The following ADGRV1 variants were observed in gnomAD, a reference collection of about 807,000 sequenced individuals.
ADGRV1 encodes the protein G-protein coupled receptor 98.
In ADGRV1, 359 loss-of-function variants were observed where a neutral mutation model predicts 596.2. That is an observed-to-expected ratio of 0.60 (90% CI 0.55 to 0.66). The LOEUF is 0.66. ADGRV1 is among the 30% of genes least tolerant of loss of function. ADGRV1 has a pLI of 0.00. For missense variants in ADGRV1, 7,274 were observed against 7,575.6 expected, an observed-to-expected ratio of 0.96 and a Z score of 1.48; for synonymous variants, 2,681 against 2,679.2, an observed-to-expected ratio of 1.00 and a Z score of -0.02.
chr5:90,732,544 A>G (rs950599394), intron 50 of ADGRV1, among the ~76,000 whole-genome samples: 1 of 152,198 alleles, frequency 6.6e-6, no homozygotes, highest in Non-Finnish European at 1.5e-5. Flanking sequence ...TATGCTGTAG[A>G]TTAGGTCCAC....
Position 90,728,693 on chromosome 5 carries a change from T to A in ADGRV1, c.10186T>A (p.Phe3396Ile). 6.2e-7 allele frequency: 1 copy of A among 1,611,906 alleles called. No homozygotes were observed. The change falls in exon 49 of 90, where the codon TTC becomes ATC. Residue 3396 changes from phenylalanine to isoleucine, a missense_variant. Transcript: ENST00000405460. ...TQVFRWNGGS[F>I]VLHQKLPVRG... ...GGTCTTCAGGTGGAATGGAGGAAGCTTCGTGTTGCATCAAAAACTCCCTGT... is the reference window on the plus strand; with the variant it reads ...GGTCTTCAGGTGGAATGGAGGAAGCATCGTGTTGCATCAAAAACTCCCTGT...
At chr5:91,029,229 T>G (rs1784285966) in intron 85 of ADGRV1, among the ~76,000 whole-genome samples, 1 of 152,238 alleles carries the variant, frequency 6.6e-6, no homozygotes, top group Non-Finnish European at 1.5e-5. Context: ...AATTAATTTA[T>G]GCAGATGTAC....
intron 87 of ADGRV1, among the ~76,000 whole-genome samples, chr5:91,135,112 G>A (rs901323504): frequency 6.6e-6 from 1 of 150,482 alleles, no homozygotes. Context: ...ACCAGAAGGA[G>A]AGGTTGCAGT....
chr5:90,826,736 C>T (rs1208686245), intron 76 of ADGRV1, among the ~76,000 whole-genome samples: 3 of 152,142 alleles, frequency 2.0e-5, no homozygotes, highest in Admixed American at 6.5e-5. Context: ...ACAAATGCAT[C>T]CACAGAATTA....
At chr5:90,858,052 G>A (rs1767193664) in intron 82 of ADGRV1, among the ~76,000 whole-genome samples, 1 of 152,100 alleles carries the variant, frequency 6.6e-6, no homozygotes. Flanking sequence ...TAGTTGTAGA[G>A]GCCAAAAAGC....
At chr5:90,792,373 A>G (rs896364870) in intron 70 of ADGRV1, 2 of 152,196 alleles carry the variant, frequency 1.3e-5, no homozygotes, top group African/African-American at 4.8e-5. Flanking sequence ...CAACAAGCCT[A>G]TTACACTAAT....
chr5:91,126,837 A>G (rs16869489), intron 87 of ADGRV1, among the ~76,000 whole-genome samples: 1,614 of 152,274 alleles, frequency 0.011, 30 homozygotes, highest in African/African-American at 0.036. Flanking sequence ...TAGGAAGGGC[A>G]GAAGCAACAG....
intron 1 of ADGRV1, among the ~76,000 whole-genome samples, chr5:90,573,277 T>C (rs1184367098): frequency 6.6e-6 from 1 of 152,184 alleles, no homozygotes; most frequent in Non-Finnish European, 1.5e-5. Flanking sequence ...ATGGCTTCTG[T>C]CTTTTTGGTG....
In ADGRV1 at chr5:90,619,183, T is replaced by A; in HGVS notation, c.453+2T>A. On this transcript the variant is annotated splice_donor_variant, in intron 4 of 89. Coordinates refer to ENST00000405460, the MANE Select transcript of ADGRV1 (RefSeq NM_032119.4). LOFTEE classifies it high-confidence loss of function. ...TTTGGAATTATTTCATTTAATATGG[T>A]ATGGACACAATTTGATGATAATTGT... The A allele has an allele frequency of 1.6e-6, 2 of 1,272,122 alleles. No individual in the cohort carries two copies. Among genetic ancestry groups the A allele is most frequent in the Non-Finnish European group, 2.1e-6 (2 of 933,756 alleles). 78.8% of individuals were successfully genotyped at this position (1,272,122 alleles called of 1,614,324 possible).
chr5:90,692,814 G>A, intron 32 of ADGRV1, 28 bp downstream of exon 32: 1 of 1,530,756 alleles, frequency 6.5e-7, no homozygotes, highest in Non-Finnish European at 8.8e-7. Context: ...TTGCCTCTGT[G>A]GGAGTGATGA....
intron 83 of ADGRV1, among the ~76,000 whole-genome samples, chr5:90,926,442 G>T (rs1256747486): frequency 6.7e-6 from 1 of 148,532 alleles, no homozygotes; most frequent in Non-Finnish European, 1.5e-5. Flanking sequence ...AGTATTCTCT[G>T]ATGGTAGTTT....
intron 86 of ADGRV1, among the ~76,000 whole-genome samples, chr5:91,095,513 G>A (rs1790775690): frequency 6.6e-6 from 1 of 152,016 alleles, no homozygotes. Context: ...CTTCCTGTAT[G>A]ACCCTCAGTT....
intron 77 of ADGRV1, among the ~76,000 whole-genome samples, chr5:90,836,092 G>T (rs1250444180): frequency 6.6e-6 from 1 of 152,168 alleles, no homozygotes; most frequent in Admixed American, 6.5e-5. Context: ...ACCAAATGCT[G>T]GTGAGAATTC....
At chr5:91,107,288 C>G (rs948014934) in intron 87 of ADGRV1, among the ~76,000 whole-genome samples, 1 of 151,912 alleles carries the variant, frequency 6.6e-6, no homozygotes, top group East Asian at 1.9e-4. Context: ...TTTGTTTTCT[C>G]GTGACAAGAA....
At chr5:90,932,889 C>T (rs1775379157) in intron 83 of ADGRV1, among the ~76,000 whole-genome samples, 1 of 152,048 alleles carries the variant, frequency 6.6e-6, no homozygotes, top group Admixed American at 6.6e-5. Flanking sequence ...ATAAAAAGGA[C>T]ACTTGCTCAG....
chr5:90,809,293 TACACACACACACACACACAC>T (rs60659185), intron 73 of ADGRV1, among the ~76,000 whole-genome samples: 1 of 134,538 alleles, frequency 7.4e-6, no homozygotes, highest in Non-Finnish European at 1.6e-5. Context: ...CGGGCATAAA[TACACACACACACACACACAC>T]ACACACACAC....
intron 50 of ADGRV1, among the ~76,000 whole-genome samples, chr5:90,730,811 T>C (rs1752451696): frequency 6.6e-6 from 1 of 152,166 alleles, no homozygotes; most frequent in South Asian, 2.1e-4. Context: ...TCATCATGTC[T>C]CCTGTTGAGG....
intron 17 of ADGRV1, among the ~76,000 whole-genome samples, 180 bp downstream of exon 17, chr5:90,647,944 A>G (rs1261873915): frequency 1.1e-3 from 1 of 882 alleles, no homozygotes; most frequent in African/African-American, 9.4e-3. Context: ...TTGAACCTTT[A>G]TGTACTTGTT....
At chr5:90,976,216 G>GTATATA (rs150711342) in intron 84 of ADGRV1, among the ~76,000 whole-genome samples, 4 of 139,474 alleles carry the variant, frequency 2.9e-5, no homozygotes, top group Non-Finnish European at 6.1e-5. Flanking sequence ...GTGTGAGTGT[G>GTATATA]TATATATATA....
Sources: allele counts gnomAD v4.1 joint callset (sites outside exome capture counted in the v4.1 genomes callset), GRCh38; gene constraint gnomAD v4.1.1; transcripts MANE v1.5; gene names NCBI Gene and HGNC (gene_info 2026-07-23, HGNC 2026-07-21).